HRH2: variants seen among roughly 807,000 people sequenced by gnomAD.
The protein encoded by HRH2 is histamine H2 receptor.
In HRH2, 4 loss-of-function variants were observed where a neutral mutation model predicts 20.1. That is an observed-to-expected ratio of 0.20 (90% CI 0.10 to 0.45). The LOEUF is 0.45. Ranked by LOEUF, HRH2 falls within the 20% of genes least tolerant of loss-of-function variation. HRH2 has a pLI of 0.99. For synonymous variants in HRH2, 197 were observed against 200.7 expected (o/e 0.98, Z 0.16); for missense variants, 250 against 461.6 (o/e 0.54, Z 4.20).
chr5:175,692,149 C>T (rs1183510407), intron 2 of HRH2, among the ~76,000 whole-genome samples: 2 of 152,212 alleles, frequency 1.3e-5, no homozygotes, highest in African/African-American at 4.8e-5. Flanking sequence ...ATATTTTAGG[C>T]TGTGCAGCCC....
intron 1 of HRH2, among the ~76,000 whole-genome samples, chr5:175,666,821 G>T (rs1311851157): frequency 1.3e-5 from 2 of 152,062 alleles, no homozygotes; most frequent in Admixed American, 1.3e-4. Flanking sequence ...CTGATTAAAT[G>T]GTTGTTTTTT....
intron 2 of HRH2, among the ~76,000 whole-genome samples, chr5:175,700,234 G>A (rs1384679989): frequency 1.3e-5 from 2 of 152,192 alleles, no homozygotes; most frequent in South Asian, 2.1e-4. Context: ...ACAGGCTGGC[G>A]GTGAGAAGGT....
At position 175,690,959 on chromosome 5, in the gene HRH2, A is replaced by AT. The variant is rs1016285871; in HGVS notation, c.1076+6655dup. 2.6e-5 allele frequency among the ~76,000 whole-genome samples: 4 copies of AT among 151,618 alleles called. No individual in the cohort carries two copies. The South Asian group carries it at 8.4e-4, about 32-fold the overall frequency. ...CCTTTCTTCCATCCTTTTTGCTGTG[A>AT]TTTTTCCCTCCCGTCTGTTTCTCTT... On this transcript the variant is annotated intron_variant, in intron 2 of 2. Coordinates refer to ENST00000636584, the MANE Select transcript of HRH2 (RefSeq NM_001367711.1).
rs184188934 is a variant in HRH2, at chr5:175,686,464, C to T, written c.1076+2155C>T. Among the ~76,000 whole-genome samples the T allele has an allele frequency of 1.8e-3, 273 of 152,310 alleles. 1 individual carries two copies. The highest frequency in any genetic ancestry group is 2.0e-3 in the Non-Finnish European group (138 of 68,014). ...GGCATTAGTTGCTCTTCAGGGGCAT[C>T]CTACTCCCACCCCTGCACCAAGTGC... On this transcript the variant is annotated intron_variant, in intron 2 of 2. Transcript: ENST00000636584. This position sits in a 1 kb window ranked among gnomAD's most constrained non-coding sequence, Gnocchi z 4.7.
chr5:175,694,102 C>A (rs1756479328), intron 2 of HRH2, among the ~76,000 whole-genome samples: 1 of 152,124 alleles, frequency 6.6e-6, no homozygotes, highest in African/African-American at 2.4e-5. Flanking sequence ...GGGGAAGGAC[C>A]AATTGAGTGA....
intron 1 of HRH2, among the ~76,000 whole-genome samples, chr5:175,672,151 G>A (rs914136161): frequency 2.0e-5 from 3 of 152,180 alleles, no homozygotes; most frequent in Non-Finnish European, 4.4e-5. Context: ...CTGAGGATAT[G>A]AAACTTGCTT....
At chr5:175,671,740 C>T (rs904369036) in intron 1 of HRH2, among the ~76,000 whole-genome samples, 4 of 152,090 alleles carry the variant, frequency 2.6e-5, no homozygotes, top group Non-Finnish European at 5.9e-5. Flanking sequence ...AAGTCAGCTG[C>T]CTAAGTCAAA....
At chr5:175,707,374 G>A (rs1442511086) in intron 2 of HRH2, among the ~76,000 whole-genome samples, 1 of 152,196 alleles carries the variant, frequency 6.6e-6, no homozygotes, top group Non-Finnish European at 1.5e-5. Flanking sequence ...AGGTTGCAGT[G>A]GGCTATGATC....
intron 2 of HRH2, among the ~76,000 whole-genome samples, chr5:175,692,286 G>A (rs1264060903): frequency 6.6e-6 from 1 of 152,240 alleles, no homozygotes; most frequent in African/African-American, 2.4e-5. Flanking sequence ...AAAAATTTGA[G>A]CGGCATATCA....
intron 2 of HRH2, 148 bp downstream of exon 2, chr5:175,684,457 A>G: frequency 8.6e-7 from 1 of 1,161,104 alleles, no homozygotes; most frequent in South Asian, 1.6e-5. Flanking sequence ...CTCTTGCTTA[A>G]TCCTCCCAAC....
At position 175,683,557 on chromosome 5, in the gene HRH2, C is replaced by T. The variant is rs778770179; in HGVS notation, c.324C>T (p.Asn108=). The T allele has an allele frequency of 6.2e-7, 1 of 1,614,216 alleles. No individual in the cohort carries two copies. The highest frequency in any genetic ancestry group is 2.2e-5 in the East Asian group (1 of 44,882). Residue 108 remains asparagine, a synonymous_variant, in exon 2 of 3, where the codon AAC becomes AAT. Coordinates refer to ENST00000636584, the MANE Select transcript of HRH2 (RefSeq NM_001367711.1). The part of the protein sequence containing the change: ...DVMLCTASIL[N]LFMISLDRYC... ...TGCTCTGCACAGCCTCCATTCTTAACCTCTTCATGATCAGCCTCGACCGGT... is the reference window on the plus strand; with the variant it reads ...TGCTCTGCACAGCCTCCATTCTTAATCTCTTCATGATCAGCCTCGACCGGT...
chr5:175,659,566 C>T (rs1434958924), intron 1 of HRH2, among the ~76,000 whole-genome samples: 1 of 152,166 alleles, frequency 6.6e-6, no homozygotes, highest in East Asian at 1.9e-4. Flanking sequence ...TTCCAATTTA[C>T]AGATGAGGAA....
chr5:175,709,056 T>C lies in HRH2; in HGVS notation c.*1085T>C, dbSNP rs1757023894. Reference sequence around the variant, plus strand: ...CCCCTGTTCCTATTTACAGGATCCATAAAGAGACTCAAAGAGATAGGGTAG... The same window carrying C: ...CCCCTGTTCCTATTTACAGGATCCACAAAGAGACTCAAAGAGATAGGGTAG... On this transcript the variant is annotated 3_prime_UTR_variant, in exon 3 of 3. Transcript: ENST00000636584. The C allele has an allele frequency of 6.6e-6, 1 of 151,974 alleles. No homozygotes were observed. Among genetic ancestry groups the C allele is most frequent in the Admixed American group, 6.6e-5 (1 of 15,250 alleles). The allele number at this position is 151,974 out of a possible 1,614,324, so 9.4% of individuals were successfully genotyped here. A position where few individuals can be genotyped will look rare whatever the true frequency, so the allele number is the denominator to read the frequency against.
At chr5:175,695,934 G>A (rs537512234) in intron 2 of HRH2, among the ~76,000 whole-genome samples, 2 of 152,372 alleles carry the variant, frequency 1.3e-5, no homozygotes, top group South Asian at 2.1e-4. Flanking sequence ...CTGGCACGGC[G>A]ATTCAGGGGC....
At chr5:175,664,927 C>T (rs551344368) in intron 1 of HRH2, among the ~76,000 whole-genome samples, 3 of 152,300 alleles carry the variant, frequency 2.0e-5, no homozygotes, top group Non-Finnish European at 2.9e-5. Context: ...CGTGAGCCAC[C>T]GCACACGGCC....
At chr5:175,696,684 G>A (rs1004800067) in intron 2 of HRH2, among the ~76,000 whole-genome samples, 1 of 152,132 alleles carries the variant, frequency 6.6e-6, no homozygotes, top group Non-Finnish European at 1.5e-5. Context: ...GCAGGAAGTA[G>A]GGCTCCCACA....
intron 2 of HRH2, among the ~76,000 whole-genome samples, chr5:175,688,293 G>A (rs764326573): frequency 1.9e-4 from 29 of 152,282 alleles, no homozygotes; most frequent in African/African-American, 6.5e-4. Context: ...GACACATTTG[G>A]GGGCCATTAT....
chr5:175,671,235 G>A (rs73806105), intron 1 of HRH2, among the ~76,000 whole-genome samples: 4,828 of 152,286 alleles, frequency 0.032, 262 homozygotes, highest in African/African-American at 0.11. Flanking sequence ...GTGGGGCACC[G>A]CATGGGCTTG....
At chr5:175,682,466 C>G (rs1393124094) in intron 1 of HRH2, among the ~76,000 whole-genome samples, 4 of 152,180 alleles carry the variant, frequency 2.6e-5, no homozygotes, top group Non-Finnish European at 5.9e-5. Flanking sequence ...ACAAGCACTT[C>G]CAGCCTTTCC....
Sources: allele counts gnomAD v4.1 joint callset (sites outside exome capture counted in the v4.1 genomes callset), GRCh38; gene constraint gnomAD v4.1.1; non-coding constraint Gnocchi (gnomAD v3.1); transcripts MANE v1.5; gene names NCBI Gene and HGNC (gene_info 2026-07-23, HGNC 2026-07-21).